TMEM38B: variants seen among roughly 807,000 people sequenced by gnomAD.
TMEM38B encodes trimeric intracellular cation channel type B.
Under a neutral mutation model 28.7 loss-of-function variants are expected in TMEM38B, and 24 were observed. The ratio of observed to expected loss-of-function variants is 0.84; its 90% CI spans 0.61 to 1.18. The LOEUF (loss-of-function observed/expected upper bound fraction) is 1.18, where lower values mean the gene tolerates loss of function less well. TMEM38B is among the 50% of genes most tolerant of loss of function. The probability of loss-of-function intolerance (pLI) is 0.00; values close to 1 mark genes in which losing one functional copy is unlikely to be tolerated. For missense variants in TMEM38B, 380 were observed against 350.9 expected (o/e 1.08, Z -0.66); for synonymous variants, 131 against 127.7 (o/e 1.03, Z -0.17).
chr9:105,710,280 T>C, intron 2 of TMEM38B: 2 of 637,800 alleles, frequency 3.1e-6, no homozygotes, highest in Non-Finnish European at 5.8e-6. Flanking sequence ...ATATTCCAGC[T>C]ACAGTTTGGT....
At chr9:105,754,196 C>T (rs1837754337) in intron 5 of TMEM38B, among the ~76,000 whole-genome samples, 1 of 152,144 alleles carries the variant, frequency 6.6e-6, no homozygotes, top group Non-Finnish European at 1.5e-5. Context: ...TAGTGGGAGA[C>T]TTTAACACCC....
intron 1 of TMEM38B, among the ~76,000 whole-genome samples, chr9:105,704,703 A>T (rs906844390): frequency 3.9e-5 from 6 of 152,074 alleles, no homozygotes; most frequent in Admixed American, 3.3e-4. Flanking sequence ...AGGTGGGTGG[A>T]TCACGAGATC....
rs112008520 is a variant in TMEM38B, at chr9:105,765,958, C to T, written c.661-7907C>T. 9.4e-3 allele frequency among the ~76,000 whole-genome samples: 1,427 copies of T among 152,114 alleles called. 14 individuals carry two copies. The highest frequency in any genetic ancestry group is 0.032 in the African/African-American group (1,327 of 41,486). On this transcript the variant is annotated intron_variant, in intron 5 of 5. Coordinates refer to ENST00000374692, the MANE Select transcript of TMEM38B (RefSeq NM_018112.3). ...ATGGGAATATAGGTGTATGCCACCACGCCTGGCTAATTTTTCATATTTTTA... is the reference window on the plus strand; with the variant it reads ...ATGGGAATATAGGTGTATGCCACCATGCCTGGCTAATTTTTCATATTTTTA...
intron 4 of TMEM38B, among the ~76,000 whole-genome samples, chr9:105,746,742 G>A (rs566909960): frequency 1.3e-5 from 2 of 152,296 alleles, no homozygotes; most frequent in East Asian, 3.9e-4. Flanking sequence ...ATTATTTTGA[G>A]ATGCGTCCCA....
At chr9:105,730,646 G>T (rs138028210) in intron 4 of TMEM38B, among the ~76,000 whole-genome samples, 2,275 of 152,234 alleles carry the variant, frequency 0.015, 63 homozygotes, top group African/African-American at 0.052. Context: ...AATGGTACTA[G>T]CTCCTCTTTA....
chr9:105,736,032 A>G (rs560889381), intron 4 of TMEM38B, among the ~76,000 whole-genome samples: 1 of 149,628 alleles, frequency 6.7e-6, no homozygotes, highest in South Asian at 2.1e-4. Flanking sequence ...ACCATGCCTG[A>G]CTAACTAAAA....
At chr9:105,695,330 G>C (rs1208218316) in intron 1 of TMEM38B, among the ~76,000 whole-genome samples, 1 of 152,222 alleles carries the variant, frequency 6.6e-6, no homozygotes, top group East Asian at 1.9e-4. Flanking sequence ...GCCTCCTGTA[G>C]CCAGACCAGG....
intron 4 of TMEM38B, among the ~76,000 whole-genome samples, chr9:105,741,102 A>G (rs1285893420): frequency 6.6e-6 from 1 of 152,224 alleles, no homozygotes. Flanking sequence ...TTGACCACAC[A>G]TCTGAGAGAT....
intron 1 of TMEM38B, among the ~76,000 whole-genome samples, chr9:105,701,937 G>A (rs1414911590): frequency 6.6e-6 from 1 of 152,162 alleles, no homozygotes; most frequent in African/African-American, 2.4e-5. Context: ...ATCTAAGGCT[G>A]GGTGCAGTGG....
At position 105,760,460 on chromosome 9, in the gene TMEM38B, C is replaced by T. The variant is rs10114801; in HGVS notation, c.660+12270C>T. The T allele has an allele frequency of 2.8e-3, 2,096 of 738,396 alleles. 28 individuals carry two copies. In the African/African-American group the frequency reaches 0.033, roughly 12 times the overall value. The allele number at this position is 738,396 out of a possible 1,614,324, so 45.7% of individuals were successfully genotyped here. A position where few individuals can be genotyped will look rare whatever the true frequency, so the allele number is the denominator to read the frequency against. On this transcript the variant is annotated intron_variant, in intron 5 of 5. Transcript: ENST00000374692. Reference sequence around the variant, plus strand: ...AATCCTGGAGATGGACTATTTGTTCCTTTGCCAACTTATTCATACTGTAAG... The same window carrying T: ...AATCCTGGAGATGGACTATTTGTTCTTTTGCCAACTTATTCATACTGTAAG...
At chr9:105,706,956 T>G (rs562017105) in intron 2 of TMEM38B, among the ~76,000 whole-genome samples, 1 of 152,310 alleles carries the variant, frequency 6.6e-6, no homozygotes, top group East Asian at 1.9e-4. Flanking sequence ...TTCTGTATAT[T>G]TAGTAGAGAC....
chr9:105,771,254 A>T (rs1040306866), intron 5 of TMEM38B, among the ~76,000 whole-genome samples: 27 of 152,306 alleles, frequency 1.8e-4, no homozygotes, highest in African/African-American at 6.3e-4. Flanking sequence ...GTAAAAGAAT[A>T]AGGATTTATT....
chr9:105,749,550 T>C (rs1837568814), intron 5 of TMEM38B, among the ~76,000 whole-genome samples: 1 of 152,220 alleles, frequency 6.6e-6, no homozygotes, highest in African/African-American at 2.4e-5. Context: ...ATATGAGTGA[T>C]GTATGGTTTG....
intron 4 of TMEM38B, among the ~76,000 whole-genome samples, chr9:105,747,266 T>C (rs1188857504): frequency 0.033 from 3,903 of 117,042 alleles, no homozygotes; most frequent in Non-Finnish European, 0.04. Flanking sequence ...CTGTTATTGG[T>C]CTATTCAGAG....
intron 4 of TMEM38B, among the ~76,000 whole-genome samples, chr9:105,735,210 T>C (rs1236264213): frequency 1.3e-5 from 2 of 152,238 alleles, no homozygotes; most frequent in Non-Finnish European, 2.9e-5. Context: ...TTTATATTTT[T>C]GTTGCCTTAA....
chr9:105,694,714 T>C lies in TMEM38B; in HGVS notation c.54T>C (p.Phe18=), dbSNP rs1564380564. 6.2e-7 allele frequency: 1 copy of C among 1,613,900 alleles called. No individual in the cohort carries two copies. The change falls in exon 1 of 6, where the codon TTT becomes TTC. Residue 18 remains phenylalanine (F), a synonymous_variant. Transcript: ENST00000374692. ...TGGCCTTCTCCCGCACGTCCATGTT[T>C]CCCTTTTTTGACATCGCGCACTATC... ...LALAFSRTSM[F]PFFDIAHYLV... is the part of the protein sequence containing the mutation.
At chr9:105,733,409 GTTTTCTT>G (rs1564400824) in intron 4 of TMEM38B, among the ~76,000 whole-genome samples, 3 of 135,982 alleles carry the variant, frequency 2.2e-5, no homozygotes, top group Admixed American at 1.4e-4. Flanking sequence ...TTGGCTTGCA[GTTTTCTT>G]TTTTCTTTTT....
chr9:105,711,637 C>A (rs1229828272), intron 2 of TMEM38B, among the ~76,000 whole-genome samples: 1 of 151,662 alleles, frequency 6.6e-6, no homozygotes, highest in African/African-American at 2.4e-5. Context: ...CCCAGGAGTT[C>A]GAACAACTGG....
At chr9:105,739,745 G>A (rs1018384065) in intron 4 of TMEM38B, among the ~76,000 whole-genome samples, 14 of 151,838 alleles carry the variant, frequency 9.2e-5, no homozygotes, top group African/African-American at 3.1e-4. Flanking sequence ...GGCTGGTCTC[G>A]AACTCCTGAC....
Sources: gnomAD v4.1 joint callset for allele counts (sites outside exome capture counted in the v4.1 genomes callset) on GRCh38, gnomAD v4.1.1 for gene constraint, MANE v1.5 for transcripts, NCBI Gene and HGNC (gene_info 2026-07-23, HGNC 2026-07-21) for gene names.